Variants in PRKD1 observed in about 807,000 individuals in gnomAD.
PRKD1 encodes the protein protein kinase D1.
Under a neutral mutation model 95.9 loss-of-function variants are expected in PRKD1, and 63 were observed. The observed-to-expected ratio is 0.66, with a 90% CI of 0.54 to 0.81. The LOEUF is 0.81. PRKD1 is among the 30% of genes least tolerant of loss of function. The probability of loss-of-function intolerance (pLI) is 0.00; values close to 1 mark genes in which losing one functional copy is unlikely to be tolerated. For missense variants in PRKD1, 1,048 were observed against 1,165.3 expected, an observed-to-expected ratio of 0.90 and a Z score of 1.47; for synonymous variants, 425 against 423.1, an observed-to-expected ratio of 1.00 and a Z score of -0.05.
chr14:29,576,613 C>T lies in PRKD1; in HGVS notation c.*625G>A, dbSNP rs957759745. ...CTGTTATATATGGCAGTTTACATTT[C>T]TAAGGCATTTAGGCTTAAGAGCACT... On this transcript the variant is annotated 3_prime_UTR_variant, in exon 18 of 18. Transcript: ENST00000331968. 6.4e-6 allele frequency: 1 copy of T among 155,494 alleles called. No homozygotes were observed. The highest frequency in any genetic ancestry group is 2.4e-5 in the African/African-American group (1 of 41,450). The allele number at this position is 155,494 out of a possible 1,614,324, so 9.6% of individuals were successfully genotyped here.
At chr14:29,795,829 A>G (rs1293944075) in intron 1 of PRKD1, among the ~76,000 whole-genome samples, 3 of 152,176 alleles carry the variant, frequency 2.0e-5, no homozygotes, top group Non-Finnish European at 4.4e-5. Context: ...CATTTTAGTT[A>G]TAATTCAACT....
intron 1 of PRKD1, among the ~76,000 whole-genome samples, chr14:29,730,595 C>T (rs1886384468): frequency 6.6e-6 from 1 of 152,102 alleles, no homozygotes; most frequent in Non-Finnish European, 1.5e-5. Flanking sequence ...CAGCATTATT[C>T]ACAATAGCCA....
chr14:29,779,888 T>C (rs1311736176), intron 1 of PRKD1, among the ~76,000 whole-genome samples: 2 of 152,124 alleles, frequency 1.3e-5, no homozygotes, highest in African/African-American at 2.4e-5. Flanking sequence ...CTTCAAACTA[T>C]ACTACAAGGC....
At chr14:29,838,199 G>A (rs140520704) in intron 1 of PRKD1, among the ~76,000 whole-genome samples, 102 of 152,152 alleles carry the variant, frequency 6.7e-4, no homozygotes, top group African/African-American at 2.3e-3. Flanking sequence ...CCTAAATATG[G>A]GAAAATGCCT....
At chr14:29,743,656 C>T (rs551066141) in intron 1 of PRKD1, among the ~76,000 whole-genome samples, 7 of 152,272 alleles carry the variant, frequency 4.6e-5, no homozygotes, top group South Asian at 2.1e-4. Flanking sequence ...TATAGAAATA[C>T]GCCTCACAAG....
At chr14:29,590,357 T>C (rs189485773) in intron 16 of PRKD1, among the ~76,000 whole-genome samples, 1 of 152,340 alleles carries the variant, frequency 6.6e-6, no homozygotes, top group Admixed American at 6.5e-5. Flanking sequence ...GCACACAGTA[T>C]GGAGGATCTT....
At chr14:29,635,002 C>A (rs1354655676) in intron 7 of PRKD1, among the ~76,000 whole-genome samples, 1 of 151,860 alleles carries the variant, frequency 6.6e-6, no homozygotes, top group African/African-American at 2.4e-5. Context: ...CCACTGCACT[C>A]CAGCCTGGGT....
chr14:29,748,738 A>G (rs911170491), intron 1 of PRKD1, among the ~76,000 whole-genome samples: 2 of 152,218 alleles, frequency 1.3e-5, no homozygotes, highest in African/African-American at 4.8e-5. Flanking sequence ...TGACAATTGA[A>G]TAAATATAGC....
intron 13 of PRKD1, among the ~76,000 whole-genome samples, chr14:29,616,565 AC>A (rs1323173051): frequency 6.6e-6 from 1 of 150,622 alleles, no homozygotes; most frequent in Non-Finnish European, 1.5e-5. Context: ...TGCCTCAGCC[AC>A]CCAAGTAGCT....
chr14:29,800,114 A>G (rs908355272), intron 1 of PRKD1, among the ~76,000 whole-genome samples: 2 of 152,208 alleles, frequency 1.3e-5, no homozygotes, highest in African/African-American at 4.8e-5. Context: ...GGTGTCTTTA[A>G]AACAGAAACA....
rs563844321 is a variant in PRKD1 at position 29,620,894 on chromosome 14, C to T, written c.1905+3258G>A. 6.4e-3 allele frequency among the ~76,000 whole-genome samples: 969 copies of T among 151,786 alleles called. 2 individuals are homozygous for T. The highest frequency in any genetic ancestry group is 0.02 in the Middle Eastern group (6 of 294). ...ATGCACATGTATGTTTATTGCGGCA[C>T]TATTCACAATAGCAAAGACTTGGAA... is the stretch of plus-strand genomic sequence containing the variant. On this transcript the variant is annotated intron_variant, in intron 13 of 17. Coordinates refer to ENST00000331968, the MANE Select transcript of PRKD1 (RefSeq NM_002742.3).
chr14:29,783,861 T>C (rs945050998), intron 1 of PRKD1, among the ~76,000 whole-genome samples: 15 of 152,138 alleles, frequency 9.9e-5, no homozygotes, highest in Admixed American at 2.6e-4. Context: ...GTTGGTTGAG[T>C]TTGTTGTATA....
intron 1 of PRKD1, among the ~76,000 whole-genome samples, chr14:29,746,596 G>A (rs1011553648): frequency 4.6e-5 from 7 of 151,982 alleles, no homozygotes; most frequent in Non-Finnish European, 8.8e-5. Context: ...CTTGGGGAGC[G>A]ACTGTGTGTG....
intron 13 of PRKD1, among the ~76,000 whole-genome samples, chr14:29,623,333 A>C (rs1879401933): frequency 6.6e-6 from 1 of 152,170 alleles, no homozygotes; most frequent in Non-Finnish European, 1.5e-5. Flanking sequence ...ATCATATGAA[A>C]CTCAATAAAT....
intron 13 of PRKD1, among the ~76,000 whole-genome samples, chr14:29,603,977 C>A (rs1462609069): frequency 6.6e-6 from 1 of 152,076 alleles, no homozygotes; most frequent in Non-Finnish European, 1.5e-5. Context: ...TGTTTCGATG[C>A]CTGGGAGGAA....
intron 1 of PRKD1, among the ~76,000 whole-genome samples, chr14:29,737,639 T>G (rs2139426384): frequency 6.6e-6 from 1 of 152,242 alleles, no homozygotes; most frequent in Middle Eastern, 3.4e-3. Context: ...AGGTGGATGA[T>G]AAGGACACAT....
At chr14:29,669,541 T>C (rs756236289) in intron 2 of PRKD1, among the ~76,000 whole-genome samples, 2 of 152,180 alleles carry the variant, frequency 1.3e-5, no homozygotes, top group Non-Finnish European at 2.9e-5. Flanking sequence ...TTTTAAGGTA[T>C]TCTGTAGATT....
At chr14:29,655,014 T>A (rs992417972) in intron 4 of PRKD1, among the ~76,000 whole-genome samples, 1 of 152,206 alleles carries the variant, frequency 6.6e-6, no homozygotes, top group African/African-American at 2.4e-5. Flanking sequence ...CCTGGTTGCT[T>A]TTAATTTGTA....
intron 13 of PRKD1, among the ~76,000 whole-genome samples, chr14:29,601,291 C>A (rs775446750): frequency 1.2e-4 from 18 of 152,172 alleles, no homozygotes; most frequent in Non-Finnish European, 1.9e-4. Context: ...TAACTCATTT[C>A]TTAGAGAGTC....
Sources: gnomAD v4.1 joint callset for allele counts (sites outside exome capture counted in the v4.1 genomes callset) on GRCh38, gnomAD v4.1.1 for gene constraint, MANE v1.5 for transcripts, NCBI Gene and HGNC (gene_info 2026-07-23, HGNC 2026-07-21) for gene names.